The following C5orf47 variants were observed in gnomAD, a reference collection of about 807,000 sequenced individuals.
The protein encoded by C5orf47 is chromosome 5 open reading frame 47.
C5orf47 carries 20 observed loss-of-function variants against 20.6 expected under a neutral mutation model. The ratio of observed to expected loss-of-function variants is 0.97; its 90% CI spans 0.68 to 1.41. The LOEUF (loss-of-function observed/expected upper bound fraction) is 1.41, where lower values mean the gene tolerates loss of function less well. C5orf47 is among the 40% of genes most tolerant of loss of function. The probability of loss-of-function intolerance (pLI) is 0.00; values close to 1 mark genes in which losing one functional copy is unlikely to be tolerated. For missense variants in C5orf47, 262 were observed against 238.4 expected, an observed-to-expected ratio of 1.10 and a Z score of -0.65; for synonymous variants, 106 against 97.3, an observed-to-expected ratio of 1.09 and a Z score of -0.53.
chr5:173,996,575 CTT>C (rs1759103302), intron 1 of C5orf47, among the ~76,000 whole-genome samples: 2 of 152,136 alleles, frequency 1.3e-5, no homozygotes, highest in Admixed American at 1.3e-4. Context: ...GTTTCCCAAA[CTT>C]AAATTATTTT....
downstream of C5orf47, among the ~76,000 whole-genome samples, chr5:174,006,455 G>A (rs1759294833): frequency 2.0e-5 from 3 of 152,214 alleles, no homozygotes; most frequent in East Asian, 5.8e-4. Flanking sequence ...CAGGTCACCT[G>A]AAAGGTTTCA....
At chr5:173,998,421 C>G (rs968805036) in intron 2 of C5orf47, among the ~76,000 whole-genome samples, 183 bp downstream of exon 2, 3 of 151,938 alleles carry the variant, frequency 2.0e-5, no homozygotes, top group African/African-American at 4.8e-5. Context: ...ATTTATTAAC[C>G]ATAAAGAATT....
intron 1 of C5orf47, among the ~76,000 whole-genome samples, chr5:173,997,722 G>C (rs1185031744): frequency 6.6e-6 from 1 of 152,138 alleles, no homozygotes; most frequent in Non-Finnish European, 1.5e-5. Context: ...GTGTGTGTGT[G>C]TGTGTGCTGA....
chr5:173,998,437 T>C (rs528931597), intron 2 of C5orf47, among the ~76,000 whole-genome samples, 199 bp downstream of exon 2: 1 of 152,212 alleles, frequency 6.6e-6, no homozygotes, highest in Non-Finnish European at 1.5e-5. Context: ...GAATTGTCCT[T>C]CCAGTGTTAT....
At chr5:173,993,300 T>TATTG (rs1759031437) in intron 1 of C5orf47, among the ~76,000 whole-genome samples, 1 of 152,172 alleles carries the variant, frequency 6.6e-6, no homozygotes, top group Non-Finnish European at 1.5e-5. Context: ...TTTTGCTTGC[T>TATTG]ATTGTCTTAA....
chr5:173,999,242 A>G (rs997873403), intron 2 of C5orf47, among the ~76,000 whole-genome samples: 2 of 152,162 alleles, frequency 1.3e-5, no homozygotes, highest in African/African-American at 4.8e-5. Context: ...ATTCCAGTAT[A>G]TTTATGTTCT....
At chr5:174,006,689 G>A (rs764585898), downstream of C5orf47, among the ~76,000 whole-genome samples, 3 of 152,144 alleles carry the variant, frequency 2.0e-5, no homozygotes, top group Non-Finnish European at 4.4e-5. Flanking sequence ...GACAGCCTGG[G>A]AGTAGATGGG....
intron 1 of C5orf47, among the ~76,000 whole-genome samples, chr5:173,990,453 G>C (rs1187342915): frequency 6.6e-6 from 1 of 151,266 alleles, no homozygotes; most frequent in Non-Finnish European, 1.5e-5. Context: ...TCTTTTTTTT[G>C]AGATGGAGTC....
At position 173,989,466 on chromosome 5, in the gene C5orf47, A is replaced by C; in HGVS notation, c.203A>C (p.Glu68Ala). ...GTGGCGGGCGTTCAGGGTGGCAGCG[A>C]GCTGCCCCTCGGTTCCCAGCTCAGG... ...MAVAGVQGGS[E>A]LPLGSQLRVP... is the part of the protein sequence containing the mutation. Residue 68 changes from glutamate to alanine, a missense_variant, in exon 1 of 5, where the codon GAG (glutamate) becomes GCG (alanine). By Grantham distance (107) the Glu-to-Ala change is moderately radical. Coordinates refer to ENST00000340147, the MANE Select transcript of C5orf47 (RefSeq NM_001144954.2). The C allele has an allele frequency of 6.5e-7, 1 of 1,549,486 alleles. No individual in the cohort carries two copies. The highest frequency in any genetic ancestry group is 8.7e-7 in the Non-Finnish European group (1 of 1,146,144).
chr5:174,006,960 A>G (rs1759301705), downstream of C5orf47, among the ~76,000 whole-genome samples: 1 of 152,146 alleles, frequency 6.6e-6, no homozygotes, highest in Non-Finnish European at 1.5e-5. Flanking sequence ...TAAGGATTTT[A>G]AGGCAGGTGT....
chr5:173,993,789 A>G lies in C5orf47; in HGVS notation c.325+4201A>G, dbSNP rs1413257280. ...TTTTGTTTACTATTCTTTCAAAACC[A>G]AATTTACTTTGATAATTTATTAAGT... On this transcript the variant is annotated intron_variant, in intron 1 of 4. Coordinates refer to ENST00000340147, the MANE Select transcript of C5orf47 (RefSeq NM_001144954.2). Among the ~76,000 whole-genome samples the G allele has an allele frequency of 2.6e-5, 4 of 152,230 alleles. No individual in the cohort carries two copies. The East Asian group carries it at 7.7e-4, about 29-fold the overall frequency.
At chr5:174,000,200 C>T (rs896311307) in intron 3 of C5orf47, among the ~76,000 whole-genome samples, 1 of 152,110 alleles carries the variant, frequency 6.6e-6, no homozygotes, top group Non-Finnish European at 1.5e-5. Flanking sequence ...GTCATTTCCT[C>T]TCCATGGAAG....
intron 1 of C5orf47, among the ~76,000 whole-genome samples, chr5:173,993,134 A>G (rs1173050368): frequency 1.3e-5 from 2 of 152,084 alleles, no homozygotes; most frequent in Non-Finnish European, 2.9e-5. Context: ...GCATTTTTGT[A>G]GTATTTCTAG....
intron 1 of C5orf47, among the ~76,000 whole-genome samples, chr5:173,990,212 G>C (rs1466918264): frequency 1.4e-5 from 2 of 143,018 alleles, no homozygotes; most frequent in Admixed American, 7.1e-5. Context: ...CTGCAGCCTT[G>C]ACCGCAGCCT....
At chr5:173,993,961 A>C (rs1217338005) in intron 1 of C5orf47, among the ~76,000 whole-genome samples, 1 of 152,168 alleles carries the variant, frequency 6.6e-6, no homozygotes, top group Non-Finnish European at 1.5e-5. Context: ...CTGTAGTATA[A>C]AAGTCCACGC....
rs570243887 is a variant in C5orf47 at position 174,004,328 on chromosome 5, C to T, written c.*74C>T. The T allele has an allele frequency of 1.1e-4, 16 of 152,236 alleles. No homozygotes were observed. The highest frequency in any genetic ancestry group is 3.9e-4 in the African/African-American group (16 of 41,530). 9.4% of individuals were successfully genotyped at this position (152,236 alleles called of 1,614,324 possible). A position where few individuals can be genotyped will look rare whatever the true frequency, so the allele number is the denominator to read the frequency against. ...GAGTATGAAGAATCTAAAGATGAAA[C>T]ATTAAATGAATCATAATTATTTGTT... On this transcript the variant is annotated 3_prime_UTR_variant, in exon 5 of 5. Transcript: ENST00000340147.
At chr5:174,009,530 G>GT (rs1415832444), downstream of C5orf47, among the ~76,000 whole-genome samples, 1 of 150,774 alleles carries the variant, frequency 6.6e-6, no homozygotes, top group Non-Finnish European at 1.5e-5. Context: ...GATATATTGT[G>GT]TTTTCTCTTT....
At chr5:174,008,822 CAAA>C (rs57488841), downstream of C5orf47, among the ~76,000 whole-genome samples, 19,538 of 75,462 alleles carry the variant, frequency 0.26, 1,844 homozygotes, top group African/African-American at 0.4. Context: ...GACTCCATCT[CAAA>C]AAAAAAAAAA....
At position 174,004,539 on chromosome 5, in the gene C5orf47, CATAAA is replaced by C. The variant is rs1255896682; in HGVS notation, c.*288_*292del. The stretch of plus-strand genomic sequence containing the variant: ...TACATACTTTTAAATTAACCTCATA[CATAAA>C]ATTAAATTAGCATATCAATGCAATT... On this transcript the variant is annotated 3_prime_UTR_variant, in exon 5 of 5. Transcript: ENST00000340147. The C allele has an allele frequency of 1.3e-5, 2 of 152,194 alleles. No individual in the cohort carries two copies. Among genetic ancestry groups the C allele is most frequent in the South Asian group, 2.1e-4 (1 of 4,830 alleles). The allele number at this position is 152,194 out of a possible 1,614,324, so 9.4% of individuals were successfully genotyped here.
Sources: gnomAD v4.1 joint callset for allele counts (sites outside exome capture counted in the v4.1 genomes callset) on GRCh38, gnomAD v4.1.1 for gene constraint, MANE v1.5 for transcripts, NCBI Gene and HGNC (gene_info 2026-07-23, HGNC 2026-07-21) for gene names.